Variants in PXMP2 observed in about 807,000 individuals in gnomAD.
PXMP2 encodes the protein 22 kDa peroxisomal membrane protein.
In PXMP2, 13 loss-of-function variants were observed where a neutral mutation model predicts 20.2. That is an observed-to-expected ratio of 0.64 (90% CI 0.42 to 1.02). PXMP2 has a LOEUF of 1.02. PXMP2 is among the 50% of genes least tolerant of loss of function. The pLI is 0.00. For synonymous variants in PXMP2, 113 were observed against 111.2 expected (o/e 1.02, Z -0.10); for missense variants, 284 against 251.8 (o/e 1.13, Z -0.87).
chr12:132,704,071 C>T lies in PXMP2; in HGVS notation c.520-548C>T, dbSNP rs796808082. Among the ~76,000 whole-genome samples the T allele has an allele frequency of 2.6e-5, 4 of 152,124 alleles. No homozygotes were observed. In the South Asian group the frequency reaches 8.3e-4, roughly 32 times the overall value. On this transcript the variant is annotated intron_variant, in intron 4 of 4. Coordinates refer to ENST00000317479, the MANE Select transcript of PXMP2 (RefSeq NM_018663.3). Reference sequence around the variant, plus strand: ...TGACTGTGCGCCATGCTGCTAGACTCGGAGACGCGGCGATTAACCAGACAC... The same window carrying T: ...TGACTGTGCGCCATGCTGCTAGACTTGGAGACGCGGCGATTAACCAGACAC...
At chr12:132,701,163 A>G (rs2043437657) in intron 3 of PXMP2, 87 bp from the exon 4 acceptor site, 1 of 1,563,354 alleles carries the variant, frequency 6.4e-7, no homozygotes. Flanking sequence ...TAGCAGTTTA[A>G]AAACCATCAC....
Position 132,687,763 on chromosome 12 carries a change from C to G in PXMP2, c.93C>G (p.Leu31=). 14 of 1,197,518 alleles carry G rather than the reference C, an allele frequency of 1.2e-5. No homozygotes were observed. The highest frequency in any genetic ancestry group is 1.4e-5 in the Non-Finnish European group (14 of 966,070). 74.2% of individuals were successfully genotyped at this position (1,197,518 alleles called of 1,614,324 possible). The change falls in exon 1 of 5, where the codon CTC becomes CTG. Residue 31 remains leucine (L), a synonymous_variant. Coordinates refer to ENST00000317479, the MANE Select transcript of PXMP2 (RefSeq NM_018663.3). ...CCCAGTACCTGCTCTTCCTGCGGCT[C>G]TACCCGGTGCTCACCAAGGCGGCCA... is the stretch of plus-strand genomic sequence containing the variant. The part of the protein sequence containing the change: ...ALAQYLLFLR[L]YPVLTKAATS...
chr12:132,701,508 T>C (rs1184493849), intron 4 of PXMP2, 139 bp downstream of exon 4: 22 of 1,219,144 alleles, frequency 1.8e-5, no homozygotes, highest in Non-Finnish European at 2.5e-5. Flanking sequence ...CCGCTAGACT[T>C]AGTTTCATCC....
intron 4 of PXMP2, among the ~76,000 whole-genome samples, chr12:132,703,172 C>T (rs935936066): frequency 6.6e-6 from 1 of 152,154 alleles, no homozygotes; most frequent in Non-Finnish European, 1.5e-5. Flanking sequence ...GTGGCTCATG[C>T]CTGTAATCCC....
Position 132,692,451 on chromosome 12 carries a change from CAGTT to C in PXMP2, c.236+2083_236+2086del, listed in dbSNP as rs748242908. Reference sequence around the variant, plus strand: ...CAGTTAGTTAGTGAGCGCCCTTAGCCAGTTAGTTAGTGAGCTCCCTTGCCAGTTA... The same window carrying C: ...CAGTTAGTTAGTGAGCGCCCTTAGCCAGTTAGTGAGCTCCCTTGCCAGTTA... On this transcript the variant is annotated intron_variant, in intron 2 of 4. Transcript: ENST00000317479. Among the ~76,000 whole-genome samples, 428 of 94,148 alleles carry C rather than the reference CAGTT, an allele frequency of 4.5e-3. 94 individuals carry two copies. The highest frequency in any genetic ancestry group is 0.034 in the Middle Eastern group (4 of 118). The allele number at this position is 94,148 out of a possible 152,430, so 61.8% of individuals were successfully genotyped here.
intron 2 of PXMP2, among the ~76,000 whole-genome samples, chr12:132,694,536 ATAGTGAGCGCCCTTGCCAGTTAGT>A (rs1565991456): frequency 2.8e-5 from 1 of 36,244 alleles, no homozygotes; most frequent in Admixed American, 2.8e-4. Context: ...AGCCAGTTAG[ATAGTGAGCGCCCTTGCCAGTTAGT>A]TAGTGAGCGC....
At chr12:132,699,749 T>C (rs2136066768) in intron 3 of PXMP2, among the ~76,000 whole-genome samples, 1 of 152,164 alleles carries the variant, frequency 6.6e-6, no homozygotes, top group South Asian at 2.1e-4. Context: ...TTTATGGCAC[T>C]TTTTCTTTAT....
At chr12:132,694,255 CAGTTAGTGAGCTCCCTTGCCAGTT>C (rs2043393667) in intron 2 of PXMP2, among the ~76,000 whole-genome samples, 6 of 88,716 alleles carry the variant, frequency 6.8e-5, no homozygotes, top group Admixed American at 6.5e-4. Flanking sequence ...CTCCCTTAGC[CAGTTAGTGAGCTCCCTTGCCAGTT>C]AGTTAGTGAG....
intron 4 of PXMP2, 64 bp downstream of exon 4, chr12:132,701,433 CTTCCTCT>C: frequency 1.3e-6 from 2 of 1,580,522 alleles, no homozygotes; most frequent in South Asian, 1.1e-5. Flanking sequence ...TCCTTCCTTC[CTTCCTCT>C]TTCCTCCCCC....
At chr12:132,697,207 C>G (rs529448950) in intron 3 of PXMP2, among the ~76,000 whole-genome samples, 1 of 151,314 alleles carries the variant, frequency 6.6e-6, no homozygotes, top group East Asian at 2.0e-4. Context: ...ATCCCTTGAG[C>G]CCAAGATGTG....
chr12:132,688,714 G>A (rs1463786174), intron 1 of PXMP2, among the ~76,000 whole-genome samples: 1 of 3,198 alleles, frequency 3.1e-4, no homozygotes. Context: ...GGGCGCGGGT[G>A]AAGACAGGGC....
At chr12:132,692,249 G>A (rs924134108) in intron 2 of PXMP2, among the ~76,000 whole-genome samples, 4 of 123,158 alleles carry the variant, frequency 3.2e-5, no homozygotes, top group Non-Finnish European at 6.8e-5. Flanking sequence ...TGAGCTCCCT[G>A]AGCCAGTTAG....
chr12:132,691,190 T>C (rs946479156), intron 2 of PXMP2, among the ~76,000 whole-genome samples: 1 of 151,982 alleles, frequency 6.6e-6, no homozygotes, highest in African/African-American at 2.4e-5. Flanking sequence ...TAGCTGGGAC[T>C]ACAGGCACCT....
At chr12:132,694,883 G>A (rs1215743292) in intron 2 of PXMP2, among the ~76,000 whole-genome samples, 1 of 146,324 alleles carries the variant, frequency 6.8e-6, no homozygotes, top group East Asian at 2.1e-4. Context: ...TAGTTAGTGA[G>A]CGCCCTTGCC....
chr12:132,704,259 T>C (rs2043458189), intron 4 of PXMP2, among the ~76,000 whole-genome samples: 3 of 152,070 alleles, frequency 2.0e-5, no homozygotes, highest in African/African-American at 7.2e-5. Flanking sequence ...TCGTCAGCTG[T>C]GTCCCCTGAG....
chr12:132,690,114 A>G (rs1162578631), intron 1 of PXMP2, 149 bp from the exon 2 acceptor site: 5 of 609,440 alleles, frequency 8.2e-6, no homozygotes, highest in African/African-American at 5.5e-5. Flanking sequence ...TTTTGATACA[A>G]GAACTATACA....
At chr12:132,694,409 T>TA (rs1198603412) in intron 2 of PXMP2, among the ~76,000 whole-genome samples, 12 of 83,856 alleles carry the variant, frequency 1.4e-4, no homozygotes, top group East Asian at 3.0e-4. Flanking sequence ...TGAGCGCCCT[T>TA]GCCAGTTAGT....
Position 132,693,884 on chromosome 12 carries a change from TTAGA to T in PXMP2, c.237-1996_237-1993del, listed in dbSNP as rs1273278654. On this transcript the variant is annotated intron_variant, in intron 2 of 4. Coordinates refer to ENST00000317479, the MANE Select transcript of PXMP2 (RefSeq NM_018663.3). ...TTAGTTAGTGAGCTCCCTTAGCCAG[TTAGA>T]TAGTGAGCGCCCTTAGCCAGTTAGT... Among the ~76,000 whole-genome samples the T allele has an allele frequency of 1.6e-4, 13 of 82,718 alleles. 1 individual carries two copies. Among genetic ancestry groups the T allele is most frequent in the Admixed American group, 3.3e-4 (3 of 9,164 alleles). The allele number at this position is 82,718 out of a possible 152,430, so 54.3% of individuals were successfully genotyped here. A position where few individuals can be genotyped will look rare whatever the true frequency, so the allele number is the denominator to read the frequency against.
intron 3 of PXMP2, among the ~76,000 whole-genome samples, chr12:132,699,138 G>A (rs1028170945): frequency 4.6e-5 from 7 of 152,088 alleles, no homozygotes; most frequent in African/African-American, 1.7e-4. Flanking sequence ...GTTGGTCCAT[G>A]TATACCCACT....
Sources: gnomAD v4.1 joint callset for allele counts (sites outside exome capture counted in the v4.1 genomes callset) on GRCh38, gnomAD v4.1.1 for gene constraint, MANE v1.5 for transcripts, NCBI Gene and HGNC (gene_info 2026-07-23, HGNC 2026-07-21) for gene names.